The following AMPD3 variants were observed in gnomAD, a reference collection of about 807,000 sequenced individuals.
AMPD3 encodes adenosine monophosphate deaminase 3.
AMPD3 carries 57 observed loss-of-function variants against 82.3 expected under a neutral mutation model. The observed-to-expected ratio is 0.69, with a 90% CI of 0.56 to 0.86. AMPD3 has a LOEUF of 0.86. Ranked by LOEUF, AMPD3 falls within the 40% of genes least tolerant of loss-of-function variation. The pLI, the probability that AMPD3 is intolerant of heterozygous loss-of-function variation, is 0.00. For missense variants in AMPD3, 870 were observed against 1,003.8 expected, an observed-to-expected ratio of 0.87 and a Z score of 1.80; for synonymous variants, 381 against 394.7, an observed-to-expected ratio of 0.97 and a Z score of 0.41.
intron 4 of AMPD3, 180 bp from the exon 5 acceptor site, chr11:10,484,640 G>T: frequency 1.5e-6 from 1 of 664,134 alleles, no homozygotes; most frequent in Non-Finnish European, 1.9e-6. Flanking sequence ...AAGTGACATG[G>T]TTTGACATGG....
intron 2 of AMPD3, among the ~76,000 whole-genome samples, chr11:10,464,961 T>G (rs1002833545): frequency 2.6e-5 from 4 of 152,312 alleles, no homozygotes; most frequent in Admixed American, 6.5e-5. Context: ...AGCCTGGGCT[T>G]TGGGGTCAGA....
chr11:10,479,250 C>T (rs745586574), intron 3 of AMPD3, among the ~76,000 whole-genome samples: 8 of 152,170 alleles, frequency 5.3e-5, no homozygotes, highest in Non-Finnish European at 8.8e-5. Flanking sequence ...AGTCAATTAA[C>T]GCAGTCACTG....
At chr11:10,492,683 C>A (rs1849271093) in intron 6 of AMPD3, among the ~76,000 whole-genome samples, 1 of 152,180 alleles carries the variant, frequency 6.6e-6, no homozygotes. Flanking sequence ...TGAGGAGCTC[C>A]CAGTCTAGTG....
chr11:10,502,962 A>T, intron 13 of AMPD3, 68 bp downstream of exon 13: 1 of 1,560,610 alleles, frequency 6.4e-7, no homozygotes, highest in Non-Finnish European at 8.8e-7. Context: ...CTCCCATTTC[A>T]GGAACCTGAG....
chr11:10,486,449 T>C, intron 5 of AMPD3: 1 of 559,180 alleles, frequency 1.8e-6, no homozygotes, highest in Non-Finnish European at 2.3e-6. Flanking sequence ...GTGTGTGGGC[T>C]GGCAGTTGGC....
At chr11:10,463,027 G>A (rs915128716) in intron 2 of AMPD3, among the ~76,000 whole-genome samples, 1 of 152,136 alleles carries the variant, frequency 6.6e-6, no homozygotes, top group Non-Finnish European at 1.5e-5. Context: ...TAAGTGAAAT[G>A]AGAAGCCCTC....
intron 10 of AMPD3, among the ~76,000 whole-genome samples, chr11:10,497,308 T>C (rs1156483808): frequency 6.6e-6 from 1 of 151,306 alleles, no homozygotes; most frequent in Admixed American, 6.6e-5. Context: ...TTTTCGGAAA[T>C]GCAAACACTT....
chr11:10,474,390 G>A, intron 2 of AMPD3, among the ~76,000 whole-genome samples: 1 of 152,200 alleles, frequency 6.6e-6, no homozygotes, highest in South Asian at 2.1e-4. Flanking sequence ...CTGGTAAGAT[G>A]CTGGCTATTC....
chr11:10,495,474 G>A, intron 8 of AMPD3, 96 bp from the exon 9 acceptor site: 1 of 1,601,804 alleles, frequency 6.2e-7, no homozygotes, highest in South Asian at 1.1e-5. Context: ...GAGCAAGGTG[G>A]CTGGGGGAGC....
At chr11:10,499,036 C>A (rs1428931806) in intron 10 of AMPD3, among the ~76,000 whole-genome samples, 1 of 152,058 alleles carries the variant, frequency 6.6e-6, no homozygotes, top group African/African-American at 2.4e-5. Context: ...GAGGGCAGCT[C>A]CCAGTGGGGA....
intron 6 of AMPD3, among the ~76,000 whole-genome samples, chr11:10,489,041 C>T (rs967544508): frequency 6.6e-6 from 1 of 152,162 alleles, no homozygotes; most frequent in African/African-American, 2.4e-5. Flanking sequence ...AGCTCATGTG[C>T]CCTGAGAGGC....
intron 5 of AMPD3, among the ~76,000 whole-genome samples, chr11:10,485,502 C>G (rs1288092210): frequency 3.9e-5 from 6 of 152,096 alleles, no homozygotes; most frequent in Non-Finnish European, 7.4e-5. Context: ...AACTCAGCCT[C>G]CCAAAGTGCT....
At chr11:10,464,338 T>G (rs1212934651) in intron 2 of AMPD3, among the ~76,000 whole-genome samples, 1 of 152,206 alleles carries the variant, frequency 6.6e-6, no homozygotes, top group Non-Finnish European at 1.5e-5. Flanking sequence ...ATTTTGCAGA[T>G]TAGGGAACGA....
upstream of AMPD3, among the ~76,000 whole-genome samples, chr11:10,453,932 C>T (rs920891458): frequency 6.6e-6 from 1 of 152,134 alleles, no homozygotes; most frequent in Admixed American, 6.5e-5. Context: ...CCTCTCCTGT[C>T]TTTTAGAGTT....
intron 2 of AMPD3, among the ~76,000 whole-genome samples, chr11:10,466,134 C>T (rs1433391638): frequency 6.6e-6 from 1 of 152,058 alleles, no homozygotes; most frequent in African/African-American, 2.4e-5. Flanking sequence ...TGGTGGGGGG[C>T]ACCTGTAATC....
intron 2 of AMPD3, among the ~76,000 whole-genome samples, chr11:10,463,769 C>T (rs1293273240): frequency 1.3e-5 from 2 of 152,224 alleles, no homozygotes; most frequent in Admixed American, 1.3e-4. Context: ...AATTCCCCTG[C>T]AAACTTCTCT....
At chr11:10,453,588 C>CT (rs1018923081), upstream of AMPD3, among the ~76,000 whole-genome samples, 286 of 146,502 alleles carry the variant, frequency 2.0e-3, 1 homozygote, top group South Asian at 3.5e-3. Context: ...TTTTCTTTTT[C>CT]TTTTTTTTTT....
Position 10,507,187 on chromosome 11 carries a change from A to G in AMPD3, c.*1303A>G, listed in dbSNP as rs879165674. 4 of 152,354 alleles carry G rather than the reference A, an allele frequency of 2.6e-5. No homozygotes were observed. Among genetic ancestry groups the G allele is most frequent in the East Asian group, 3.8e-4 (2 of 5,202 alleles). 9.4% of individuals were successfully genotyped at this position (152,354 alleles called of 1,614,324 possible). A position where few individuals can be genotyped will look rare whatever the true frequency, so the allele number is the denominator to read the frequency against. On this transcript the variant is annotated 3_prime_UTR_variant, in exon 15 of 15. Coordinates refer to ENST00000396553, the MANE Select transcript of AMPD3 (RefSeq NM_001025389.2). ...CTCTTAGTACTTAAGAGGCTGCTCAAGGACCTTCCTATCTATTTCTGTGGT... is the reference window on the plus strand; with the variant it reads ...CTCTTAGTACTTAAGAGGCTGCTCAGGGACCTTCCTATCTATTTCTGTGGT...
chr11:10,461,796 C>A, intron 2 of AMPD3, 56 bp downstream of exon 2: 3 of 1,524,372 alleles, frequency 2.0e-6, no homozygotes, highest in Non-Finnish European at 1.8e-6. Context: ...CCCAGGCAGG[C>A]TGTGGGTGTG....
Sources: allele counts gnomAD v4.1 joint callset (sites outside exome capture counted in the v4.1 genomes callset), GRCh38; gene constraint gnomAD v4.1.1; transcripts MANE v1.5; gene names NCBI Gene and HGNC (gene_info 2026-07-23, HGNC 2026-07-21).